Variants in SCN8A observed in about 807,000 individuals in gnomAD.
The protein encoded by SCN8A is sodium channel protein type 8 subunit alpha.
A neutral mutation model predicts 184.1 loss-of-function variants in SCN8A; 30 were observed. The observed-to-expected ratio is 0.16, with a 90% confidence interval of 0.12 to 0.22. The LOEUF is 0.22. SCN8A is among the 10% of genes least tolerant of loss of function. The pLI, the probability that SCN8A is intolerant of heterozygous loss-of-function variation, is 1.00. For synonymous variants in SCN8A, 852 were observed against 907.0 expected (o/e 0.94, Z 1.09); for missense variants, 1,057 against 2,498.9 (o/e 0.42, Z 12.30).
chr12:51,608,107 G>A (rs1473120337), intron 1 of SCN8A, among the ~76,000 whole-genome samples: 1 of 147,228 alleles, frequency 6.8e-6, no homozygotes, highest in South Asian at 2.1e-4. Context: ...TGCAAGCTCC[G>A]CCTCCCGGGT....
At chr12:51,631,386 G>T (rs1940193085) in intron 1 of SCN8A, among the ~76,000 whole-genome samples, 1 of 152,174 alleles carries the variant, frequency 6.6e-6, no homozygotes, top group South Asian at 2.1e-4. Flanking sequence ...TTACTTGGGG[G>T]TCTTTTTCTG....
chr12:51,613,128 C>T (rs1427363209), intron 1 of SCN8A, among the ~76,000 whole-genome samples: 4 of 151,992 alleles, frequency 2.6e-5, no homozygotes, highest in Non-Finnish European at 5.9e-5. Context: ...GTTTTGGTAT[C>T]AGGATAATAC....
rs1938870832 is a variant in SCN8A at position 51,810,851 on chromosome 12, G to A, written c.*3422G>A. ...GGCCTACTCTCACTCCTTTCTAAAC[G>A]AGCCACTTTTGGCGTCAGAAGTTGA... On this transcript the variant is annotated 3_prime_UTR_variant, in exon 27 of 27. Coordinates refer to ENST00000627620, the MANE Select transcript of SCN8A (RefSeq NM_001330260.2). 6.6e-6 allele frequency: 1 copy of A among 152,118 alleles called. No homozygotes were observed. 9.4% of individuals were successfully genotyped at this position (152,118 alleles called of 1,614,324 possible).
chr12:51,716,865 T>C (rs1941973543), intron 11 of SCN8A, among the ~76,000 whole-genome samples: 1 of 152,202 alleles, frequency 6.6e-6, no homozygotes, highest in Admixed American at 6.5e-5. Context: ...AAAGCCCACA[T>C]TCCCAACTAC....
At chr12:51,692,918 C>T (rs923777751) in intron 6 of SCN8A, among the ~76,000 whole-genome samples, 2 of 152,144 alleles carry the variant, frequency 1.3e-5, no homozygotes, top group Non-Finnish European at 2.9e-5. Context: ...TTAAATGGCT[C>T]CCCCAAAGCA....
At chr12:51,655,406 C>G (rs1278747328) in intron 1 of SCN8A, among the ~76,000 whole-genome samples, 1 of 148,794 alleles carries the variant, frequency 6.7e-6, no homozygotes, top group Non-Finnish European at 1.5e-5. Context: ...CAGGTTTAGA[C>G]ACAAGAGTTG....
chr12:51,787,846 T>C (rs930462147), intron 22 of SCN8A, among the ~76,000 whole-genome samples: 3 of 152,142 alleles, frequency 2.0e-5, no homozygotes, highest in Admixed American at 6.5e-5. Flanking sequence ...ACCCCAAAGC[T>C]TTTTTGCTGT....
chr12:51,597,957 C>T (rs1939384344), intron 1 of SCN8A, among the ~76,000 whole-genome samples: 1 of 151,990 alleles, frequency 6.6e-6, no homozygotes, highest in African/African-American at 2.4e-5. Context: ...TATTAAATTG[C>T]AGGAAAAAAA....
At chr12:51,799,539 A>G (rs1445540877) in intron 26 of SCN8A, among the ~76,000 whole-genome samples, 1 of 152,222 alleles carries the variant, frequency 6.6e-6, no homozygotes, top group African/African-American at 2.4e-5. Context: ...ATGGGGGCCT[A>G]CCAAAGGCTC....
chr12:51,595,339 T>C (rs1939323053), intron 1 of SCN8A, among the ~76,000 whole-genome samples: 1 of 152,184 alleles, frequency 6.6e-6, no homozygotes, highest in Non-Finnish European at 1.5e-5. Context: ...GGGAAGTAAA[T>C]GCAGTCAAAA....
At chr12:51,733,853 G>A (rs1328427595) in intron 12 of SCN8A, among the ~76,000 whole-genome samples, 1 of 152,060 alleles carries the variant, frequency 6.6e-6, no homozygotes, top group Non-Finnish European at 1.5e-5. Flanking sequence ...CAATTTATTG[G>A]CATGTAGTTG....
At chr12:51,740,324 A>G (rs1010142241) in intron 12 of SCN8A, among the ~76,000 whole-genome samples, 24 of 152,196 alleles carry the variant, frequency 1.6e-4, no homozygotes, top group African/African-American at 5.3e-4. Context: ...ACTGTATCCC[A>G]TAGGTTTTGT....
In SCN8A at chr12:51,721,873, C is replaced by T. The variant is rs954650071; in HGVS notation, c.1963C>T (p.Pro655Ser). 6.2e-7 allele frequency: 1 copy of T among 1,601,968 alleles called. No individual in the cohort carries two copies. The highest frequency in any genetic ancestry group is 1.7e-5 in the Admixed American group (1 of 60,028). The change falls in exon 12 of 27, where the codon CCC (proline) becomes TCC (serine). Residue 655 changes from proline (P) to serine (S), a missense_variant. Pro to Ser is a moderately conservative substitution (Grantham distance 74). Transcript: ENST00000627620. ...CGGCGTGGTGTCCCTCATCGGCGGCCCCGGCTCCCACATCGGCGGGCGTCT... is the reference window on the plus strand; with the variant it reads ...CGGCGTGGTGTCCCTCATCGGCGGCTCCGGCTCCCACATCGGCGGGCGTCT... ...CNGVVSLIGGPGSHIGGRLLP... is the reference protein window; with the variant it reads ...CNGVVSLIGGSGSHIGGRLLP...
Position 51,788,773 on chromosome 12 carries a change from C to T in SCN8A, c.4281+25C>T, listed in dbSNP as rs1441545387. On this transcript the variant is annotated intron_variant, in intron 23 of 26. Transcript: ENST00000627620. ...GGTAAGGATGTACATGGCGAAAATA[C>T]CACCTTCTCAGATGGCTGGAAAGCA... 6.9e-6 allele frequency: 11 copies of T among 1,599,124 alleles called. 1 individual carries two copies. Among genetic ancestry groups the T allele is most frequent in the Non-Finnish European group, 9.4e-6 (11 of 1,170,864 alleles).
chr12:51,717,986 T>C (rs1941992830), intron 11 of SCN8A, among the ~76,000 whole-genome samples: 1 of 152,168 alleles, frequency 6.6e-6, no homozygotes, highest in Non-Finnish European at 1.5e-5. Flanking sequence ...ACATAACACG[T>C]GAAAGATACA....
intron 1 of SCN8A, among the ~76,000 whole-genome samples, chr12:51,644,901 A>C (rs981706112): frequency 2.7e-5 from 4 of 149,704 alleles, no homozygotes; most frequent in Non-Finnish European, 4.4e-5. Context: ...CCGTCTGAGA[A>C]GTGAGGAGAC....
intron 1 of SCN8A, among the ~76,000 whole-genome samples, chr12:51,601,442 T>TG (rs922957395): frequency 3.0e-5 from 4 of 131,170 alleles, no homozygotes; most frequent in Admixed American, 3.0e-4. Flanking sequence ...TAACAAGGCC[T>TG]TTTTTTTTTT....
chr12:51,618,673 G>A (rs1939897860), intron 1 of SCN8A, among the ~76,000 whole-genome samples: 1 of 152,122 alleles, frequency 6.6e-6, no homozygotes, highest in African/African-American at 2.4e-5. Flanking sequence ...ACAGGGTAGA[G>A]TGGGCTTACT....
At chr12:51,757,744 G>A (rs970519567) in intron 14 of SCN8A, among the ~76,000 whole-genome samples, 4 of 152,136 alleles carry the variant, frequency 2.6e-5, no homozygotes, top group African/African-American at 4.8e-5. Flanking sequence ...CTATGATCAT[G>A]CCACTACATT....
Sources: gnomAD v4.1 joint callset for allele counts (sites outside exome capture counted in the v4.1 genomes callset) on GRCh38, gnomAD v4.1.1 for gene constraint, MANE v1.5 for transcripts, NCBI Gene and HGNC (gene_info 2026-07-23, HGNC 2026-07-21) for gene names.